Variants in PDE1A observed in about 807,000 individuals in gnomAD.
PDE1A encodes dual specificity calcium/calmodulin-dependent 3',5'-cyclic nucleotide phosphodiesterase 1A.
Under a neutral mutation model 61.7 loss-of-function variants are expected in PDE1A, and 35 were observed. The observed-to-expected ratio is 0.57, with a 90% CI of 0.43 to 0.75. The LOEUF is 0.75. Ranked by LOEUF, PDE1A falls within the 30% of genes least tolerant of loss-of-function variation. The pLI is 0.00. For synonymous variants in PDE1A, 232 were observed against 213.2 expected (o/e 1.09, Z -0.77); for missense variants, 597 against 630.6 (o/e 0.95, Z 0.57).
chr2:182,328,592 G>A (rs1354615092), intron 1 of PDE1A, among the ~76,000 whole-genome samples: 1 of 152,170 alleles, frequency 6.6e-6, no homozygotes. Context: ...AGGACGAGAT[G>A]CAACTTGAAG....
intron 2 of PDE1A, among the ~76,000 whole-genome samples, chr2:182,508,959 C>A (rs971555021): frequency 4.8e-5 from 7 of 146,092 alleles, no homozygotes; most frequent in Non-Finnish European, 9.1e-5. Context: ...ATCCCTCCCC[C>A]CTACCCCCAG....
chr2:182,393,005 T>C (rs1227608180), intron 1 of PDE1A, among the ~76,000 whole-genome samples: 3 of 152,246 alleles, frequency 2.0e-5, no homozygotes, highest in Non-Finnish European at 4.4e-5. Context: ...TGGAGAACAG[T>C]AGCCTTCTTC....
chr2:182,503,315 A>G (rs898820074), intron 2 of PDE1A, among the ~76,000 whole-genome samples: 4 of 152,044 alleles, frequency 2.6e-5, no homozygotes, highest in African/African-American at 7.2e-5. Context: ...TCTTAGCTTT[A>G]TTTTCCACAA....
At chr2:182,190,297 C>T (rs1685582531) in intron 10 of PDE1A, among the ~76,000 whole-genome samples, 1 of 152,190 alleles carries the variant, frequency 6.6e-6, no homozygotes, top group South Asian at 2.1e-4. Flanking sequence ...TTTCTGTGAC[C>T]TCTGCCAGTA....
intron 13 of PDE1A, among the ~76,000 whole-genome samples, chr2:182,152,865 T>G (rs1042911577): frequency 3.3e-5 from 5 of 152,166 alleles, no homozygotes; most frequent in African/African-American, 1.2e-4. Context: ...AAAACAAAAT[T>G]CCACTTAATT....
intron 7 of PDE1A, among the ~76,000 whole-genome samples, chr2:182,223,122 TAAG>T (rs1192534247): frequency 6.6e-6 from 1 of 151,928 alleles, no homozygotes; most frequent in African/African-American, 2.4e-5. Flanking sequence ...GGTGTCCATA[TAAG>T]AAGAGGAAGA....
At chr2:182,657,034 C>T in the PDE1A span, among the ~76,000 whole-genome samples, 1 of 152,114 alleles carries the variant, frequency 6.6e-6, no homozygotes, top group African/African-American at 2.4e-5. Context: ...ACCATCCTAG[C>T]CAACATGGTG....
intron 2 of PDE1A, among the ~76,000 whole-genome samples, chr2:182,471,775 A>C (rs1475654006): frequency 6.6e-6 from 1 of 151,836 alleles, no homozygotes; most frequent in African/African-American, 2.4e-5. Context: ...CTCTTCCTCT[A>C]AACTTTTTTA....
chr2:182,574,627 G>A, the PDE1A span, among the ~76,000 whole-genome samples: 1 of 152,158 alleles, frequency 6.6e-6, no homozygotes, highest in South Asian at 2.1e-4. Flanking sequence ...GCGTATACAT[G>A]CACAAACATG....
intron 13 of PDE1A, among the ~76,000 whole-genome samples, chr2:182,149,179 G>T (rs1690646816): frequency 6.6e-6 from 1 of 152,124 alleles, no homozygotes; most frequent in Non-Finnish European, 1.5e-5. Context: ...GAAAGAAATA[G>T]AAGTAATTAA....
the PDE1A span, among the ~76,000 whole-genome samples, chr2:182,622,663 C>T: frequency 6.6e-6 from 1 of 152,252 alleles, no homozygotes; most frequent in East Asian, 1.9e-4. Flanking sequence ...TGCCGATTAT[C>T]CACTCCCAGG....
At chr2:182,514,534 T>A (rs1359407281) in intron 2 of PDE1A, among the ~76,000 whole-genome samples, 1 of 151,934 alleles carries the variant, frequency 6.6e-6, no homozygotes, top group Non-Finnish European at 1.5e-5. Flanking sequence ...AACCATCTGA[T>A]CTCCAACAAA....
chr2:182,437,175 TAAAC>T (rs1684484418), intron 2 of PDE1A, among the ~76,000 whole-genome samples: 1 of 151,856 alleles, frequency 6.6e-6, no homozygotes, highest in African/African-American at 2.4e-5. Flanking sequence ...CAAAAGTGGA[TAAAC>T]AAAACTTCTG....
chr2:182,432,346 T>C (rs1423526098), intron 2 of PDE1A, among the ~76,000 whole-genome samples: 2 of 152,108 alleles, frequency 1.3e-5, no homozygotes, highest in African/African-American at 4.8e-5. Context: ...TCATCCCCAT[T>C]GTTGTAGGAT....
rs368047323 is a variant in PDE1A at position 182,209,323 on chromosome 2, C to T, written c.777-3258G>A. 2.2e-4 allele frequency among the ~76,000 whole-genome samples: 34 copies of T among 151,990 alleles called. 1 individual carries two copies. The highest frequency in any genetic ancestry group is 1.2e-3 in the East Asian group (6 of 5,092). ...ATCTCGTGAGACTTATTCACTATCA[C>T]GAGAACAGTATGGGGGAAACCACCC... On this transcript the variant is annotated intron_variant, in intron 7 of 13. Transcript: ENST00000351439.
intron 2 of PDE1A, among the ~76,000 whole-genome samples, chr2:182,456,581 A>C (rs995620672): frequency 6.6e-6 from 1 of 152,140 alleles, no homozygotes; most frequent in African/African-American, 2.4e-5. Context: ...TATTGAAACA[A>C]TTGAACCAAT....
chr2:182,185,074 ATTT>A (rs1685093332), intron 13 of PDE1A, among the ~76,000 whole-genome samples: 1 of 152,174 alleles, frequency 6.6e-6, no homozygotes, highest in Non-Finnish European at 1.5e-5. Flanking sequence ...TATATTATCC[ATTT>A]TAAGAAAAGT....
chr2:182,280,756 TA>T lies in PDE1A; in HGVS notation c.54-16343del, dbSNP rs200403839. 7.5e-3 allele frequency among the ~76,000 whole-genome samples: 1,145 copies of T among 152,012 alleles called. 8 individuals carry two copies. The highest frequency in any genetic ancestry group is 0.011 in the Non-Finnish European group (749 of 67,888). ...GTTTATAAATTTTTATTTTCAATTT[TA>T]GGGGGTTTCAAGCTGGAAAAAAAAT... On this transcript the variant is annotated intron_variant, in intron 1 of 13. Coordinates refer to ENST00000351439, the Ensembl canonical transcript of PDE1A.
intron 1 of PDE1A, among the ~76,000 whole-genome samples, chr2:182,283,420 T>TACACAC (rs3063230): frequency 1.3e-5 from 2 of 149,572 alleles, no homozygotes; most frequent in African/African-American, 4.9e-5. Context: ...CACACACACA[T>TACACAC]ACACACACAC....
Sources: allele counts gnomAD v4.1 joint callset (sites outside exome capture counted in the v4.1 genomes callset), GRCh38; gene constraint gnomAD v4.1.1; transcripts MANE v1.5; gene names NCBI Gene and HGNC (gene_info 2026-07-23, HGNC 2026-07-21).